Variants in ACAP2 observed in about 807,000 individuals in gnomAD.
The protein encoded by ACAP2 is ArfGAP with coiled-coil, ankyrin repeat and PH domains 2.
In ACAP2, 39 loss-of-function variants were observed where a neutral mutation model predicts 115.8. The observed-to-expected ratio is 0.34, with a 90% confidence interval of 0.26 to 0.44. The LOEUF (loss-of-function observed/expected upper bound fraction) is 0.44. Among genes scored for constraint, ACAP2 ranks in the 20% least tolerant of loss-of-function variants. The pLI is 1.00. For synonymous variants in ACAP2, 289 were observed against 315.8 expected, an observed-to-expected ratio of 0.92 and a Z score of 0.90; for missense variants, 662 against 927.6, an observed-to-expected ratio of 0.71 and a Z score of 3.72.
intron 11 of ACAP2, among the ~76,000 whole-genome samples, 199 bp from the exon 12 acceptor site, chr3:195,307,522 A>G (rs1430825443): frequency 6.6e-6 from 1 of 152,204 alleles, no homozygotes; most frequent in African/African-American, 2.4e-5. Flanking sequence ...TAAATTATAT[A>G]GAGATTAAAT....
At chr3:195,332,638 G>A (rs983380232) in intron 8 of ACAP2, among the ~76,000 whole-genome samples, 2 of 152,228 alleles carry the variant, frequency 1.3e-5, no homozygotes, top group South Asian at 2.1e-4. Flanking sequence ...TAATCCTCAC[G>A]TGTCAAGAGA....
intron 4 of ACAP2, among the ~76,000 whole-genome samples, chr3:195,356,475 A>G (rs1285734030): frequency 1.3e-5 from 2 of 152,210 alleles, no homozygotes; most frequent in African/African-American, 4.8e-5. Flanking sequence ...ACTTGGAGGT[A>G]CATGACCTAG....
At chr3:195,315,581 G>A (rs548616023) in intron 10 of ACAP2, among the ~76,000 whole-genome samples, 2 of 152,256 alleles carry the variant, frequency 1.3e-5, no homozygotes, top group South Asian at 4.1e-4. Flanking sequence ...AGAGTTCCAG[G>A]TTTTGCCCCT....
chr3:195,318,495 A>C (rs1399875659), intron 10 of ACAP2, among the ~76,000 whole-genome samples: 1 of 152,218 alleles, frequency 6.6e-6, no homozygotes, highest in East Asian at 1.9e-4. Flanking sequence ...GATGGAGATG[A>C]AGAACTTATT....
chr3:195,328,798 G>A (rs779817160), intron 8 of ACAP2, among the ~76,000 whole-genome samples: 3 of 152,086 alleles, frequency 2.0e-5, no homozygotes, highest in African/African-American at 4.8e-5. Flanking sequence ...TGTCTCTTGC[G>A]GCTGGGCGTG....
chr3:195,277,860 T>G lies in ACAP2; in HGVS notation c.*1468A>C, dbSNP rs1489082259. 6.6e-6 allele frequency: 1 copy of G among 152,170 alleles called. No individual in the cohort carries two copies. 9.4% of individuals were successfully genotyped at this position (152,170 alleles called of 1,614,324 possible). A position where few individuals can be genotyped will look rare whatever the true frequency, so the allele number is the denominator to read the frequency against. ...ACTCTGGGAGGCTAAAGCAGGCTGATCACCTGAGGTCAGGAGTTCGAGACC... is the reference window on the plus strand; with the variant it reads ...ACTCTGGGAGGCTAAAGCAGGCTGAGCACCTGAGGTCAGGAGTTCGAGACC... On this transcript the variant is annotated 3_prime_UTR_variant, in exon 23 of 23. Coordinates refer to ENST00000326793, the MANE Select transcript of ACAP2 (RefSeq NM_012287.6).
chr3:195,356,270 T>C (rs1013980116), intron 4 of ACAP2: 4 of 447,772 alleles, frequency 8.9e-6, no homozygotes, highest in Non-Finnish European at 1.8e-5. Flanking sequence ...CCAATGCCAA[T>C]GAATGGAGCA....
Position 195,306,504 on chromosome 3 carries a change from T to C in ACAP2, c.1116+7A>G, listed in dbSNP as rs759496453. On this transcript the variant is annotated splice_region_variant and intron_variant, in intron 13 of 22. Transcript: ENST00000326793. ...TATTATCTGGTATTGCTAATACCTCTACTAACCTCTGATTCATCACCCTTC... is the reference window on the plus strand; with the variant it reads ...TATTATCTGGTATTGCTAATACCTCCACTAACCTCTGATTCATCACCCTTC... 6.3e-7 allele frequency: 1 copy of C among 1,594,236 alleles called. No homozygotes were observed. The highest frequency in any genetic ancestry group is 1.1e-5 in the South Asian group (1 of 88,370).
At position 195,289,492 on chromosome 3, in the gene ACAP2, C is replaced by T. The variant is rs559857048; in HGVS notation, c.2064-261G>A. ...GCATGGTGGATATATAAGTTGTGGT[C>T]CCTACCCTCAAAGAATATCATAAAA... On this transcript the variant is annotated intron_variant, in intron 20 of 22. Coordinates refer to ENST00000326793, the MANE Select transcript of ACAP2 (RefSeq NM_012287.6). Among the ~76,000 whole-genome samples the T allele has an allele frequency of 1.6e-3, 237 of 152,070 alleles. 1 individual carries two copies. Among genetic ancestry groups the T allele is most frequent in the Middle Eastern group, 6.8e-3 (2 of 294 alleles).
intron 22 of ACAP2, 116 bp from the exon 23 acceptor site, chr3:195,279,544 G>A (rs1158928557): frequency 1.8e-6 from 1 of 553,782 alleles, no homozygotes. Context: ...TTGTTCAGAT[G>A]AGCATTTTTG....
chr3:195,352,189 G>A (rs7611238), intron 4 of ACAP2, among the ~76,000 whole-genome samples: 78,424 of 151,968 alleles, frequency 0.52, 20,952 homozygotes, highest in Middle Eastern at 0.71. Flanking sequence ...AATGCCTAAC[G>A]TATTCATTAC....
intron 10 of ACAP2, among the ~76,000 whole-genome samples, chr3:195,319,154 G>C (rs910467173): frequency 2.0e-5 from 3 of 152,246 alleles, no homozygotes; most frequent in Non-Finnish European, 4.4e-5. Flanking sequence ...ATGCATGGAA[G>C]ACGAGAATTT....
chr3:195,351,738 C>T (rs1488450042), intron 4 of ACAP2, among the ~76,000 whole-genome samples: 1 of 152,194 alleles, frequency 6.6e-6, no homozygotes, highest in Non-Finnish European at 1.5e-5. Flanking sequence ...GCTGGGATTA[C>T]AGGCGTGAGC....
At chr3:195,430,063 T>C (rs1715000179) in intron 1 of ACAP2, among the ~76,000 whole-genome samples, 1 of 152,170 alleles carries the variant, frequency 6.6e-6, no homozygotes, top group African/African-American at 2.4e-5. Context: ...AAATTCAGGT[T>C]AGAAAGGAAG....
At position 195,333,128 on chromosome 3, in the gene ACAP2, T is replaced by C. The variant is rs771801202; in HGVS notation, c.574-5A>G. On this transcript the variant is annotated splice_polypyrimidine_tract_variant and splice_region_variant and intron_variant, in intron 7 of 22. Transcript: ENST00000326793. ...GGCATACATAAATGACAACATCTAATAGGGAAAAAAAGATGACCATTTTAA... is the reference window on the plus strand; with the variant it reads ...GGCATACATAAATGACAACATCTAACAGGGAAAAAAAGATGACCATTTTAA... 10 of 1,548,070 alleles carry C rather than the reference T, an allele frequency of 6.5e-6. No individual in the cohort carries two copies. In the Middle Eastern group the frequency reaches 1.0e-3, roughly 157 times the overall value.
At chr3:195,320,425 G>C (rs192113000) in intron 10 of ACAP2, among the ~76,000 whole-genome samples, 10 of 152,246 alleles carry the variant, frequency 6.6e-5, no homozygotes, top group African/African-American at 2.2e-4. Context: ...TAATGAGCTA[G>C]CCACTATAGA....
chr3:195,343,157 T>C (rs1406417361), intron 5 of ACAP2, among the ~76,000 whole-genome samples: 1 of 152,216 alleles, frequency 6.6e-6, no homozygotes, highest in Non-Finnish European at 1.5e-5. Context: ...AATTTCATTA[T>C]TTAAATCTAC....
chr3:195,307,239 C>T lies in ACAP2; in HGVS notation c.994G>A (p.Val332Met), dbSNP rs770092508. Residue 332 changes from valine (V) to methionine (M), a missense_variant, in exon 12 of 23, where the codon GTG becomes ATG. Val to Met is a conservative substitution (Grantham distance 21, BLOSUM62 1). Transcript: ENST00000326793. ...EDIERRFCFE[V>M]VSPTKSCMLQ... ...ACCACTTACTTTGTTGGCGAGACCA[C>T]CTCAAAGCAGAATCGTCGCTCTATG... The T allele has an allele frequency of 8.1e-6, 13 of 1,613,262 alleles. No individual in the cohort carries two copies. The South Asian group carries it at 1.3e-4, about 16-fold the overall frequency.
At chr3:195,415,152 T>A (rs1034474461) in intron 1 of ACAP2, among the ~76,000 whole-genome samples, 1 of 152,200 alleles carries the variant, frequency 6.6e-6, no homozygotes, top group African/African-American at 2.4e-5. Flanking sequence ...TCAATGCTTG[T>A]AACAAATGTA....
Sources: allele counts gnomAD v4.1 joint callset (sites outside exome capture counted in the v4.1 genomes callset), GRCh38; gene constraint gnomAD v4.1.1; transcripts MANE v1.5; gene names NCBI Gene and HGNC (gene_info 2026-07-23, HGNC 2026-07-21).